The following POLQ variants were observed in gnomAD, a reference collection of about 807,000 sequenced individuals.
POLQ encodes epididymis secretory sperm binding protein.
In POLQ, 233 loss-of-function variants were observed where a neutral mutation model predicts 259.2. That is an observed-to-expected ratio of 0.90 (90% CI 0.81 to 1.00). The LOEUF (loss-of-function observed/expected upper bound fraction) is 1.00. POLQ is among the 50% of genes least tolerant of loss of function. The pLI is 0.00. For missense variants in POLQ, 2,871 were observed against 3,051.6 expected (o/e 0.94, Z 1.39); for synonymous variants, 1,025 against 1,048.8 (o/e 0.98, Z 0.44).
At chr3:121,449,197 A>G (rs1037840433) in intron 26 of POLQ, 118 bp downstream of exon 26, 1 of 613,702 alleles carries the variant, frequency 1.6e-6, no homozygotes, top group African/African-American at 1.9e-5. Context: ...ACCCTTAACA[A>G]TGCCTGATGA....
rs1283040913 is a variant in POLQ at position 121,460,114 on chromosome 3, G to T, written c.7088C>A (p.Ala2363Glu). 6.2e-7 allele frequency: 1 copy of T among 1,613,960 alleles called. No individual in the cohort carries two copies. The highest frequency in any genetic ancestry group is 1.7e-5 in the Admixed American group (1 of 60,012). The change falls in exon 25 of 30, where the codon GCA (alanine) becomes GAA (glutamate). Residue 2363 changes from alanine to glutamate, a missense_variant. Ala to Glu is a moderately radical substitution (Grantham distance 107). Transcript: ENST00000264233. ...TGGCTCAATCATCTTCCACTCTGCT[G>T]CAATGCTCCTGAAAACATCAGCTCC... ...NTGADVFRSI[A>E]AEWKMIEPES...
At chr3:121,508,221 CA>C (rs1427329102) in intron 12 of POLQ, among the ~76,000 whole-genome samples, 3 of 152,118 alleles carry the variant, frequency 2.0e-5, no homozygotes, top group Non-Finnish European at 2.9e-5. Flanking sequence ...CCACTAACCA[CA>C]AGCATTCAGC....
Position 121,490,166 on chromosome 3 carries a change from G to A in POLQ, c.2765C>T (p.Thr922Ile), listed in dbSNP as rs911075053. 6.2e-7 allele frequency: 1 copy of A among 1,611,148 alleles called. No individual in the cohort carries two copies. The highest frequency in any genetic ancestry group is 1.3e-5 in the African/African-American group (1 of 74,862). ...AGAACTCTTAGTTTGGGATATAAATGTGTGTTCCTTTACTTCGGACTCACT... is the reference window on the plus strand; with the variant it reads ...AGAACTCTTAGTTTGGGATATAAATATGTGTTCCTTTACTTCGGACTCACT... The part of the protein sequence containing the change: ...THSESEVKEH[T>I]FISQTKSSYK... Residue 922 changes from threonine (T) to isoleucine (I), a missense_variant, in exon 16 of 30, where the codon ACA becomes ATA. Physicochemically the swap from Thr to Ile is moderately conservative, Grantham distance 89. This residue lies in a region of POLQ where 2,080 missense variants were observed against 2,126.0 expected (regional missense o/e 0.98). Transcript: ENST00000264233.
chr3:121,536,805 C>G (rs1156298913), intron 5 of POLQ, among the ~76,000 whole-genome samples: 1 of 151,834 alleles, frequency 6.6e-6, no homozygotes, highest in Non-Finnish European at 1.5e-5. Context: ...CCACCATGCC[C>G]AGCTAATTTT....
At chr3:121,545,545 A>G (rs1449191689) in intron 1 of POLQ, among the ~76,000 whole-genome samples, 170 bp downstream of exon 1, 1 of 152,238 alleles carries the variant, frequency 6.6e-6, no homozygotes, top group African/African-American at 2.4e-5. Flanking sequence ...AAACACGCGT[A>G]TGTCTGAACA....
At chr3:121,449,189 C>A (rs2047653345) in intron 26 of POLQ, 126 bp downstream of exon 26, 1 of 587,670 alleles carries the variant, frequency 1.7e-6, no homozygotes, top group African/African-American at 1.9e-5. Flanking sequence ...TCTTATTTAC[C>A]CTTAACAATG....
chr3:121,434,346 T>G (rs898280592), intron 28 of POLQ, among the ~76,000 whole-genome samples: 3 of 152,220 alleles, frequency 2.0e-5, no homozygotes, highest in Non-Finnish European at 2.9e-5. Flanking sequence ...GTATCCTCAT[T>G]TTGACATTTA....
chr3:121,521,892 A>C (rs571239967), intron 8 of POLQ, 111 bp downstream of exon 8: 2 of 782,906 alleles, frequency 2.6e-6, no homozygotes, highest in African/African-American at 3.6e-5. Flanking sequence ...TTAAAAAGAA[A>C]TCTAAGGACA....
At chr3:121,454,638 G>GC (rs1160349207) in intron 25 of POLQ, among the ~76,000 whole-genome samples, 3 of 152,148 alleles carry the variant, frequency 2.0e-5, no homozygotes, top group Non-Finnish European at 4.4e-5. Flanking sequence ...GACAAAGAAG[G>GC]CCATTACATA....
chr3:121,453,081 C>T (rs552404), intron 25 of POLQ, among the ~76,000 whole-genome samples: 14,965 of 152,176 alleles, frequency 0.098, 1,063 homozygotes, highest in African/African-American at 0.2. Flanking sequence ...TCGCAGTTTA[C>T]GAAAATCCGC....
chr3:121,480,917 G>A (rs961623867), intron 19 of POLQ, among the ~76,000 whole-genome samples: 2 of 151,980 alleles, frequency 1.3e-5, no homozygotes, highest in African/African-American at 4.8e-5. Context: ...CAATAAATTC[G>A]GTCACTCCTC....
Position 121,487,504 on chromosome 3 carries a change from T to C in POLQ, c.5427A>G (p.Ser1809=), listed in dbSNP as rs1449069199. ...ISDTSFSLQL[S]QDGLQLTPAS... is the part of the protein sequence containing the mutation. ...CTGGAGTTAACTGTAATCCATCCTGTGATAACTGAAGTGAAAAGCTTGTGT... is the reference window on the plus strand; with the variant it reads ...CTGGAGTTAACTGTAATCCATCCTGCGATAACTGAAGTGAAAAGCTTGTGT... Residue 1809 remains serine (S), a synonymous_variant, in exon 16 of 30, where the codon TCA becomes TCG. Coordinates refer to ENST00000264233, the MANE Select transcript of POLQ (RefSeq NM_199420.4). 3 of 1,614,118 alleles carry C rather than the reference T, an allele frequency of 1.9e-6. No individual in the cohort carries two copies. Among genetic ancestry groups the C allele is most frequent in the Non-Finnish European group, 8.5e-7 (1 of 1,179,992 alleles).
chr3:121,454,268 C>A (rs931865860), intron 25 of POLQ, among the ~76,000 whole-genome samples: 1 of 152,212 alleles, frequency 6.6e-6, no homozygotes, highest in Non-Finnish European at 1.5e-5. Context: ...GTATCAGCCA[C>A]TGCAAAATCA....
intron 9 of POLQ, among the ~76,000 whole-genome samples, chr3:121,519,458 G>A (rs1293523422): frequency 3.4e-5 from 5 of 148,404 alleles, no homozygotes; most frequent in African/African-American, 1.2e-4. Flanking sequence ...GGCGGATCAC[G>A]AGGCCAGGAG....
chr3:121,502,339 A>T (rs572419798), intron 12 of POLQ, among the ~76,000 whole-genome samples: 1 of 152,218 alleles, frequency 6.6e-6, no homozygotes, highest in South Asian at 2.1e-4. Context: ...GAGTAGCTAG[A>T]ATTACAGGTA....
chr3:121,498,343 G>A, intron 13 of POLQ, 134 bp downstream of exon 13: 6 of 539,086 alleles, frequency 1.1e-5, no homozygotes, highest in Non-Finnish European at 1.3e-5. Flanking sequence ...TGAAAAAAAA[G>A]AAAACTGAAA....
Position 121,489,471 on chromosome 3 carries a change from CCA to C in POLQ, c.3458_3459del (p.Val1153GlyfsTer2). 6.2e-7 allele frequency: 1 copy of C among 1,613,990 alleles called. No homozygotes were observed. Among genetic ancestry groups the C allele is most frequent in the Non-Finnish European group, 8.5e-7 (1 of 1,179,900 alleles). On this transcript the variant is annotated frameshift_variant, in exon 16 of 30. Coordinates refer to ENST00000264233, the MANE Select transcript of POLQ (RefSeq NM_199420.4). LOFTEE classifies it high-confidence loss of function. ...GCTACTCCTCTGCCCTTTTCACTAA[CCA>C]CACTAGTGGCCTGACAAGTCACATT... is the stretch of plus-strand genomic sequence containing the variant. ...SKNVTCQATS[V>X]VSEKGRGVAV...
intron 13 of POLQ, 143 bp downstream of exon 13, chr3:121,498,334 G>A (rs1047439685): frequency 1.9e-6 from 1 of 515,864 alleles, no homozygotes; most frequent in Non-Finnish European, 3.3e-6. Context: ...AAAAGAAAAT[G>A]AAAAAAAAGA....
chr3:121,473,198 G>T, intron 21 of POLQ, 152 bp downstream of exon 21: 1 of 678,670 alleles, frequency 1.5e-6, no homozygotes, highest in Admixed American at 3.0e-5. Flanking sequence ...AGAATTTGTG[G>T]GCTACCAAAC....
Sources: allele counts gnomAD v4.1 joint callset (sites outside exome capture counted in the v4.1 genomes callset), GRCh38; gene constraint gnomAD v4.1.1; regional missense constraint gnomAD v4.1.1; transcripts MANE v1.5; gene names NCBI Gene and HGNC (gene_info 2026-07-23, HGNC 2026-07-21).